Variants in C11orf54 observed in about 807,000 individuals in gnomAD.
C11orf54 encodes the protein beta-keto-L-gulonate decarboxylase.
A neutral mutation model predicts 35.5 loss-of-function variants in C11orf54; 29 were observed. The observed-to-expected ratio is 0.82, with a 90% confidence interval of 0.61 to 1.11. The LOEUF (loss-of-function observed/expected upper bound fraction) is 1.11, where lower values mean the gene tolerates loss of function less well. Ranked by LOEUF, C11orf54 falls within the 50% of genes most tolerant of loss-of-function variation. The probability of loss-of-function intolerance (pLI) is 0.00; values close to 1 mark genes in which losing one functional copy is unlikely to be tolerated. For synonymous variants in C11orf54, 108 were observed against 121.1 expected (o/e 0.89, Z 0.71); for missense variants, 373 against 369.2 (o/e 1.01, Z -0.08).
rs765272344 is a variant in C11orf54, at chr11:93,755,369, G to A, written c.490G>A (p.Glu164Lys). ...ATTACTGGCTAATCTTTTTGCCAGT[G>A]AAGGCCAACCTGGCAAGGTGATTGT... ...CALLANLFAS[E>K]GQPGKVIEVK... The change falls in exon 6 of 9, where the codon GAA (glutamate) becomes AAA (lysine). Residue 164 changes from glutamate to lysine, a missense_variant. Coordinates refer to ENST00000354421, the MANE Select transcript of C11orf54 (RefSeq NM_001286069.2). 28 of 1,613,828 alleles carry A rather than the reference G, an allele frequency of 1.7e-5. No homozygotes were observed. In the Admixed American group the frequency reaches 4.7e-4, roughly 27 times the overall value.
rs560584441 is a variant in C11orf54, at chr11:93,756,739, A to G, written c.508-577A>G. The stretch of plus-strand genomic sequence containing the variant: ...GTAAGGAAAACTAATGCCTTACTTG[A>G]TATTTACTTCCTATTAGTACACAAA... On this transcript the variant is annotated intron_variant, in intron 6 of 8. Transcript: ENST00000354421. 2.0e-5 allele frequency among the ~76,000 whole-genome samples: 3 copies of G among 152,300 alleles called. No individual in the cohort carries two copies. The South Asian group carries it at 6.2e-4, about 32-fold the overall frequency.
chr11:93,748,622 G>A (rs1324981880), intron 2 of C11orf54, among the ~76,000 whole-genome samples: 1 of 152,126 alleles, frequency 6.6e-6, no homozygotes, highest in Non-Finnish European at 1.5e-5. Context: ...GATCACTTGA[G>A]GTCAGGAGTT....
Position 93,764,412 on chromosome 11 carries a change from AATATTAGAAC to A in C11orf54, c.*2727_*2736del, listed in dbSNP as rs1252146291. 2 of 152,154 alleles carry A rather than the reference AATATTAGAAC, an allele frequency of 1.3e-5. No homozygotes were observed. Among genetic ancestry groups the A allele is most frequent in the African/African-American group, 4.8e-5 (2 of 41,442 alleles). 9.4% of individuals were successfully genotyped at this position (152,154 alleles called of 1,614,324 possible). ...CACATGACCTTCCAAGGGGTGTGGG[AATATTAGAAC>A]ATCTATTTATATATTTTATTTCGTC... On this transcript the variant is annotated 3_prime_UTR_variant, in exon 9 of 9. Coordinates refer to ENST00000354421, the MANE Select transcript of C11orf54 (RefSeq NM_001286069.2).
Position 93,764,160 on chromosome 11 carries a change from A to ACG in C11orf54, c.*2473_*2474dup, listed in dbSNP as rs938874913. On this transcript the variant is annotated 3_prime_UTR_variant, in exon 9 of 9. Coordinates refer to ENST00000354421, the MANE Select transcript of C11orf54 (RefSeq NM_001286069.2). Reference sequence around the variant, plus strand: ...TGCCAGAGGTGTAGGGCATAAGGGGACGAGGGGTGGGATAAGGCTTAAAAG... The same window carrying ACG: ...TGCCAGAGGTGTAGGGCATAAGGGGACGCGAGGGGTGGGATAAGGCTTAAAAG... 5.4e-4 allele frequency: 82 copies of ACG among 152,244 alleles called. No individual in the cohort carries two copies. The highest frequency in any genetic ancestry group is 1.8e-3 in the African/African-American group (74 of 41,536). 9.4% of individuals were successfully genotyped at this position (152,244 alleles called of 1,614,324 possible).
chr11:93,748,463 T>C lies in C11orf54; in HGVS notation c.55+1015T>C, dbSNP rs549674784. On this transcript the variant is annotated intron_variant, in intron 2 of 8. Transcript: ENST00000354421. ...ATGCTTGGCCAGATTTTTTCTTTGA[T>C]TGCTTTTCTAGAATCTGTTTTCACT... is the stretch of plus-strand genomic sequence containing the variant. Among the ~76,000 whole-genome samples, 76 of 152,318 alleles carry C rather than the reference T, an allele frequency of 5.0e-4. 1 individual carries two copies. Among genetic ancestry groups the C allele is most frequent in the African/African-American group, 1.8e-3 (74 of 41,574 alleles).
chr11:93,748,811 G>A (rs1354882348), intron 2 of C11orf54, among the ~76,000 whole-genome samples: 2 of 149,400 alleles, frequency 1.3e-5, no homozygotes, highest in Admixed American at 6.8e-5. Flanking sequence ...ACTTCGACCT[G>A]GGCAACAACA....
rs1449745569 is a variant in C11orf54, at chr11:93,759,780, A to G, written c.696A>G (p.Glu232=). ...EFSSCPLNSD[E]EVNKWLHFYE... is the part of the protein sequence containing the mutation. ...CTTCCTGCCCCTTGAACTCTGATGA[A>G]GAAGTGAATAAATGGTTGCATTTTT... The change falls in exon 8 of 9, where the codon GAA becomes GAG. Residue 232 remains glutamate (E), a synonymous_variant. Transcript: ENST00000354421. 6 of 1,609,350 alleles carry G rather than the reference A, an allele frequency of 3.7e-6. No individual in the cohort carries two copies. Among genetic ancestry groups the G allele is most frequent in the Non-Finnish European group, 5.1e-6 (6 of 1,176,978 alleles).
At chr11:93,757,596 C>A in intron 7 of C11orf54, 131 bp downstream of exon 7, 3 of 966,136 alleles carry the variant, frequency 3.1e-6, no homozygotes, top group Non-Finnish European at 4.5e-6. Context: ...GTGGCACAAT[C>A]TTGGCTCACT....
rs1030118800 is a variant in C11orf54 at position 93,762,214 on chromosome 11, A to T, written c.*526A>T. 3 of 152,202 alleles carry T rather than the reference A, an allele frequency of 2.0e-5. No individual in the cohort carries two copies. The highest frequency in any genetic ancestry group is 7.2e-5 in the African/African-American group (3 of 41,458). 9.4% of individuals were successfully genotyped at this position (152,202 alleles called of 1,614,324 possible). ...TTGTATAACATTATTACATTTTGCA[A>T]ATTAGTATCACAACTGCTAAGTAGA... On this transcript the variant is annotated 3_prime_UTR_variant, in exon 9 of 9. Coordinates refer to ENST00000354421, the MANE Select transcript of C11orf54 (RefSeq NM_001286069.2).
At chr11:93,751,387 TA>T (rs1942811221) in intron 3 of C11orf54, among the ~76,000 whole-genome samples, 3 of 145,612 alleles carry the variant, frequency 2.1e-5, no homozygotes, top group Non-Finnish European at 4.5e-5. Flanking sequence ...TTTAGCATAG[TA>T]CTTTTTTATA....
intron 2 of C11orf54, among the ~76,000 whole-genome samples, chr11:93,749,664 AAAAG>A (rs1378411724): frequency 2.6e-5 from 4 of 152,218 alleles, no homozygotes; most frequent in East Asian, 1.9e-4. Flanking sequence ...ATAAAAGAAA[AAAAG>A]AGAGAGGGAA....
chr11:93,753,752 AAAAG>A lies in C11orf54; in HGVS notation c.226_228+1del. On this transcript the variant is annotated splice_donor_variant and coding_sequence_variant, in exon 4 of 9. Transcript: ENST00000354421. LOFTEE classifies it high-confidence loss of function. ...ACTTATTGCCTCTTGTAAACCAAAA[AAAAG>A]TAAGTACTTTTACTCTGCATATTCA... is the stretch of plus-strand genomic sequence containing the variant. 6.2e-7 allele frequency: 1 copy of A among 1,613,720 alleles called. No homozygotes were observed. Among genetic ancestry groups the A allele is most frequent in the Non-Finnish European group, 8.5e-7 (1 of 1,179,842 alleles).
chr11:93,759,792 A>C lies in C11orf54; in HGVS notation c.708A>C (p.Lys236Asn), dbSNP rs769927816. 1 of 1,611,190 alleles carries C rather than the reference A, an allele frequency of 6.2e-7. No homozygotes were observed. The highest frequency in any genetic ancestry group is 1.1e-5 in the South Asian group (1 of 90,716). Reference sequence around the variant, plus strand: ...TGAACTCTGATGAAGAAGTGAATAAATGGTTGCATTTTTATGAAATGAAAG... The same window carrying C: ...TGAACTCTGATGAAGAAGTGAATAACTGGTTGCATTTTTATGAAATGAAAG... ...CPLNSDEEVN[K>N]WLHFYEMKAP... is the part of the protein sequence containing the mutation. The change falls in exon 8 of 9, where the codon AAA becomes AAC. Residue 236 changes from lysine (K) to asparagine (N), a missense_variant. By Grantham distance (94) the Lys-to-Asn change is moderately conservative. Coordinates refer to ENST00000354421, the MANE Select transcript of C11orf54 (RefSeq NM_001286069.2).
rs1229839365 is a variant in C11orf54, at chr11:93,762,466, A to T, written c.*778A>T. 6.6e-6 allele frequency: 1 copy of T among 152,182 alleles called. No homozygotes were observed. The highest frequency in any genetic ancestry group is 2.4e-5 in the African/African-American group (1 of 41,442). 9.4% of individuals were successfully genotyped at this position (152,182 alleles called of 1,614,324 possible). ...GTGAAGTTAAACCATAGAAGTTTAC[A>T]ATTTGCCTTTCACAAACATTAGCAG... is the stretch of plus-strand genomic sequence containing the variant. On this transcript the variant is annotated 3_prime_UTR_variant, in exon 9 of 9. Coordinates refer to ENST00000354421, the MANE Select transcript of C11orf54 (RefSeq NM_001286069.2).
intron 7 of C11orf54, among the ~76,000 whole-genome samples, chr11:93,758,350 G>A (rs897104211): frequency 4.6e-5 from 7 of 152,222 alleles, no homozygotes; most frequent in Non-Finnish European, 8.8e-5. Context: ...AGCCCCAACT[G>A]CCCAGGCGCA....
chr11:93,755,180 G>A (rs1207618930), intron 5 of C11orf54, 30 bp from the exon 6 acceptor site: 3 of 1,602,870 alleles, frequency 1.9e-6, no homozygotes. Flanking sequence ...GAGATACAAA[G>A]ATTGACTAAT....
chr11:93,751,280 GCCT>G (rs1169836602), intron 3 of C11orf54, among the ~76,000 whole-genome samples: 1 of 152,036 alleles, frequency 6.6e-6, no homozygotes, highest in Non-Finnish European at 1.5e-5. Flanking sequence ...TTTTTTGGGG[GCCT>G]TTACAGCTTA....
chr11:93,757,455 C>T lies in C11orf54; in HGVS notation c.647C>T (p.Ser216Phe), dbSNP rs1565272418. Residue 216 changes from serine (S) to phenylalanine (F), a missense_variant, in exon 7 of 9, where the codon TCT becomes TTT. Coordinates refer to ENST00000354421, the MANE Select transcript of C11orf54 (RefSeq NM_001286069.2). ...ATAATTCAGAAGGGAAAAGTGAAGT[C>T]TCACATTATGGTAAGAGCCCATGTG... ...TFIIQKGKVK[S>F]HIMPAEFSSC... 5 of 1,597,634 alleles carry T rather than the reference C, an allele frequency of 3.1e-6. No homozygotes were observed. Among genetic ancestry groups the T allele is most frequent in the Non-Finnish European group, 4.2e-6 (5 of 1,179,558 alleles).
rs755678984 is a variant in C11orf54, at chr11:93,757,459, C to A, written c.651C>A (p.His217Gln). Reference sequence around the variant, plus strand: ...TTCAGAAGGGAAAAGTGAAGTCTCACATTATGGTAAGAGCCCATGTGTGCA... The same window carrying A: ...TTCAGAAGGGAAAAGTGAAGTCTCAAATTATGGTAAGAGCCCATGTGTGCA... ...FIIQKGKVKS[H>Q]IMPAEFSSCP... Residue 217 changes from histidine (H) to glutamine (Q), a missense_variant, in exon 7 of 9, where the codon CAC (histidine) becomes CAA (glutamine). Coordinates refer to ENST00000354421, the MANE Select transcript of C11orf54 (RefSeq NM_001286069.2). The A allele has an allele frequency of 1.0e-5, 16 of 1,597,180 alleles. No individual in the cohort carries two copies. The highest frequency in any genetic ancestry group is 6.7e-5 in the Admixed American group (4 of 59,882).
Sources: allele counts gnomAD v4.1 joint callset (sites outside exome capture counted in the v4.1 genomes callset), GRCh38; gene constraint gnomAD v4.1.1; transcripts MANE v1.5; gene names NCBI Gene and HGNC (gene_info 2026-07-23, HGNC 2026-07-21).